Variants in NUP98 observed in about 807,000 individuals in gnomAD.
The protein encoded by NUP98 is nuclear pore complex protein Nup98-Nup96.
Under a neutral mutation model 191.9 loss-of-function variants are expected in NUP98, and 26 were observed. That is an observed-to-expected ratio of 0.14 (90% CI 0.10 to 0.19). The LOEUF is 0.19. Among genes scored for constraint, NUP98 ranks in the 10% least tolerant of loss-of-function variants. The probability of loss-of-function intolerance (pLI) is 1.00; values close to 1 mark genes in which losing one functional copy is unlikely to be tolerated. For missense variants in NUP98, 1,941 were observed against 2,178.8 expected (o/e 0.89, Z 2.17); for synonymous variants, 808 against 778.4 (o/e 1.04, Z -0.63).
At chr11:3,794,445 C>T (rs2082460880) in intron 1 of NUP98, among the ~76,000 whole-genome samples, 2 of 152,114 alleles carry the variant, frequency 1.3e-5, no homozygotes, top group Admixed American at 1.3e-4. Flanking sequence ...CTCAGCCTCC[C>T]GAGTAGCTGG....
chr11:3,711,862 C>T, intron 20 of NUP98: 1 of 1,033,670 alleles, frequency 9.7e-7, no homozygotes, highest in Non-Finnish European at 1.2e-6. Context: ...TTTAATAAAT[C>T]ATAAAAACCA....
intron 14 of NUP98, among the ~76,000 whole-genome samples, chr11:3,728,582 C>CA (rs1334629918): frequency 6.6e-6 from 1 of 151,678 alleles, no homozygotes; most frequent in Non-Finnish European, 1.5e-5. Context: ...AAAAAAAATA[C>CA]AAAAAAATTA....
At chr11:3,748,783 A>T (rs1041583879) in intron 11 of NUP98, among the ~76,000 whole-genome samples, 1 of 152,192 alleles carries the variant, frequency 6.6e-6, no homozygotes, top group Non-Finnish European at 1.5e-5. Flanking sequence ...GGAAGAAACC[A>T]TTATTTGATT....
At chr11:3,715,484 T>C (rs2079151602) in intron 18 of NUP98, among the ~76,000 whole-genome samples, 1 of 152,106 alleles carries the variant, frequency 6.6e-6, no homozygotes, top group Admixed American at 6.6e-5. Context: ...CTCATTGTAG[T>C]TTGATTTGCA....
intron 8 of NUP98, 67 bp downstream of exon 8, chr11:3,768,514 G>T: frequency 7.3e-7 from 1 of 1,361,916 alleles, no homozygotes; most frequent in South Asian, 2.0e-5. Context: ...AGTTTGACAT[G>T]ATTAGAATCC....
At chr11:3,775,750 G>C (rs1030070863) in intron 5 of NUP98, 132 bp downstream of exon 5, 7 of 726,692 alleles carry the variant, frequency 9.6e-6, no homozygotes, top group Admixed American at 2.9e-5. Context: ...ACTATTTATA[G>C]ATTTTGTTTT....
intron 11 of NUP98, among the ~76,000 whole-genome samples, chr11:3,746,269 CAAA>C (rs66773761): frequency 3.5e-4 from 12 of 33,924 alleles, no homozygotes; most frequent in African/African-American, 1.1e-3. Context: ...AACTTTATCT[CAAA>C]AAAAAAAAAA....
chr11:3,740,572 A>T (rs1266588777), intron 12 of NUP98, among the ~76,000 whole-genome samples: 2 of 151,886 alleles, frequency 1.3e-5, no homozygotes, highest in African/African-American at 4.8e-5. Flanking sequence ...CCATTCTCCT[A>T]ATCACTGATG....
intron 30 of NUP98, among the ~76,000 whole-genome samples, chr11:3,682,675 T>G (rs562269653): frequency 6.6e-6 from 1 of 152,208 alleles, no homozygotes; most frequent in East Asian, 1.9e-4. Context: ...GATATAGTAA[T>G]GAAAAAGTCT....
intron 1 of NUP98, among the ~76,000 whole-genome samples, chr11:3,794,546 C>G (rs1217820721): frequency 6.7e-6 from 1 of 149,518 alleles, no homozygotes; most frequent in African/African-American, 2.5e-5. Flanking sequence ...AGGCTGGTCT[C>G]AAACTCCTGA....
At position 3,686,012 on chromosome 11, in the gene NUP98, T is replaced by G. The variant is rs1484587280; in HGVS notation, c.4637A>C (p.Glu1546Ala). 6.2e-7 allele frequency: 1 copy of G among 1,614,138 alleles called. No individual in the cohort carries two copies. Among genetic ancestry groups the G allele is most frequent in the Non-Finnish European group, 8.5e-7 (1 of 1,180,038 alleles). Residue 1546 changes from glutamate to alanine, a missense_variant, in exon 29 of 33, where the codon GAG becomes GCG. By Grantham distance (107) the Glu-to-Ala change is moderately radical. Coordinates refer to ENST00000324932, the MANE Select transcript of NUP98 (RefSeq NM_016320.5). Reference sequence around the variant, plus strand: ...GTGCAGGAGGACAAAGATGGCCCACTCCCAGAGCCCCTCACTTTCAAGCTG... The same window carrying G: ...GTGCAGGAGGACAAAGATGGCCCACGCCCAGAGCCCCTCACTTTCAAGCTG... ...AGQLESEGLW[E>A]WAIFVLLHID... is the part of the protein sequence containing the mutation.
chr11:3,760,324 T>A (rs2081123095), intron 10 of NUP98: 1 of 598,190 alleles, frequency 1.7e-6, no homozygotes, highest in African/African-American at 1.9e-5. Flanking sequence ...CTACTAATTA[T>A]CTCAAGCCAT....
In NUP98 at chr11:3,713,943, A is replaced by G; in HGVS notation, c.2452T>C (p.Cys818Arg). 2 of 1,614,138 alleles carry G rather than the reference A, an allele frequency of 1.2e-6. No homozygotes were observed. Among genetic ancestry groups the G allele is most frequent in the Non-Finnish European group, 1.7e-6 (2 of 1,180,016 alleles). Residue 818 changes from cysteine (C) to arginine (R), a missense_variant, in exon 19 of 33, where the codon TGT becomes CGT. Coordinates refer to ENST00000324932, the MANE Select transcript of NUP98 (RefSeq NM_016320.5). ...AGGCGATCTGGGCTCTTTATTAAAC[A>G]ACGAGATGTTTTATCTGTTGGCCAA... ...GVWPTDKTSR[C>R]LIKSPDRLAD... is the part of the protein sequence containing the mutation.
At chr11:3,717,666 T>C (rs1427986470) in intron 18 of NUP98, among the ~76,000 whole-genome samples, 1 of 152,206 alleles carries the variant, frequency 6.6e-6, no homozygotes, top group Admixed American at 6.5e-5. Context: ...AACTTTTATT[T>C]TTCTTGCCTA....
intron 25 of NUP98, among the ~76,000 whole-genome samples, chr11:3,695,984 G>A (rs764118087): frequency 7.2e-5 from 11 of 152,106 alleles, no homozygotes; most frequent in African/African-American, 1.4e-4. Context: ...TTGAAGTCAC[G>A]AGTTCGAGAC....
intron 11 of NUP98, among the ~76,000 whole-genome samples, 173 bp downstream of exon 11, chr11:3,753,143 T>A (rs907433608): frequency 6.6e-6 from 1 of 152,210 alleles, no homozygotes; most frequent in Non-Finnish European, 1.5e-5. Context: ...AACATGCCAA[T>A]ATTTTAAAGC....
At chr11:3,686,860 G>A (rs1415271489) in intron 28 of NUP98, among the ~76,000 whole-genome samples, 1 of 152,080 alleles carries the variant, frequency 6.6e-6, no homozygotes, top group East Asian at 1.9e-4. Flanking sequence ...GGTAGTGCAT[G>A]CCTGTATTCC....
In NUP98 at chr11:3,748,458, T is replaced by C. The variant is rs961759938; in HGVS notation, c.1268-3809A>G. Among the ~76,000 whole-genome samples the C allele has an allele frequency of 2.7e-5, 4 of 150,848 alleles. No individual in the cohort carries two copies. In the South Asian group the frequency reaches 6.3e-4, roughly 24 times the overall value. On this transcript the variant is annotated intron_variant, in intron 11 of 32. Transcript: ENST00000324932. Reference sequence around the variant, plus strand: ...ATTGCTTGAGCCTGGGAGGCAGAGGTTGCAGTGAGCCGAGATCACACCACT... The same window carrying C: ...ATTGCTTGAGCCTGGGAGGCAGAGGCTGCAGTGAGCCGAGATCACACCACT...
intron 25 of NUP98, among the ~76,000 whole-genome samples, chr11:3,696,004 C>T (rs989982027): frequency 1.3e-5 from 2 of 152,022 alleles, no homozygotes; most frequent in Admixed American, 6.6e-5. Flanking sequence ...CCAGCCTGAC[C>T]AACATGGTGA....
Sources: gnomAD v4.1 joint callset for allele counts (sites outside exome capture counted in the v4.1 genomes callset) on GRCh38, gnomAD v4.1.1 for gene constraint, MANE v1.5 for transcripts, NCBI Gene and HGNC (gene_info 2026-07-23, HGNC 2026-07-21) for gene names.